The following MYO10 variants were observed in gnomAD, a reference collection of about 807,000 sequenced individuals.
MYO10 encodes myosin X.
MYO10 carries 133 observed loss-of-function variants against 257.3 expected under a neutral mutation model. That is an observed-to-expected ratio of 0.52 (90% CI 0.45 to 0.60). The LOEUF is 0.60. Among genes scored for constraint, MYO10 ranks in the 20% least tolerant of loss-of-function variants. The pLI is 0.00. For missense variants in MYO10, 2,399 were observed against 2,635.7 expected (o/e 0.91, Z 1.97); for synonymous variants, 1,104 against 1,028.6 (o/e 1.07, Z -1.40).
intron 3 of MYO10, among the ~76,000 whole-genome samples, chr5:16,806,368 C>T (rs1171433504): frequency 1.3e-5 from 2 of 151,300 alleles, no homozygotes; most frequent in East Asian, 2.0e-4. Context: ...AAAAAAAGGC[C>T]GGGTGCGACG....
Position 16,664,484 on chromosome 5 carries a change from G to C in MYO10, c.*2208C>G, listed in dbSNP as rs956939520. The C allele has an allele frequency of 6.6e-6, 1 of 152,246 alleles. No homozygotes were observed. The highest frequency in any genetic ancestry group is 1.5e-5 in the Non-Finnish European group (1 of 68,070). 9.4% of individuals were successfully genotyped at this position (152,246 alleles called of 1,614,324 possible). The stretch of plus-strand genomic sequence containing the variant: ...TGCCTGGCGGGGCCACAGGCTTCAG[G>C]CAGCACCTGGCTTCAGGTTCCATCC... On this transcript the variant is annotated 3_prime_UTR_variant, in exon 41 of 41. Transcript: ENST00000513610.
rs748432878 is a variant in MYO10, at chr5:16,701,770, G to C, written c.2625C>G (p.Thr875=). ...LQKSQKEAEL[T]RELEKQKENK... ...TTTCCTTCTGTTTCTCCAGTTCACG[G>C]GTCAGTTCAGCTTCCTTCTGGCTCT... Residue 875 remains threonine, a synonymous_variant, in exon 25 of 41, where the codon ACC becomes ACG. Coordinates refer to ENST00000513610, the MANE Select transcript of MYO10 (RefSeq NM_012334.3). The surrounding 1 kb of genome is among the most constrained non-coding windows in gnomAD (Gnocchi z 8.1). 16 of 1,613,778 alleles carry C rather than the reference G, an allele frequency of 9.9e-6. No homozygotes were observed. The highest frequency in any genetic ancestry group is 1.3e-5 in the Non-Finnish European group (15 of 1,179,876).
chr5:16,699,466 G>A lies in MYO10; in HGVS notation c.3540C>T (p.Ser1180=), dbSNP rs1239017023. ...YSCVTLPYFH[S]FLYMKGGLMN... ...CAGTCATACCTTTCATGTACAGAAA[G>A]CTGTGGAAATACGGCAGAGTGACAC... is the stretch of plus-strand genomic sequence containing the variant. The change falls in exon 26 of 41, where the codon AGC becomes AGT. Residue 1180 remains serine (S), a synonymous_variant. Coordinates refer to ENST00000513610, the MANE Select transcript of MYO10 (RefSeq NM_012334.3). The A allele has an allele frequency of 6.2e-7, 1 of 1,613,792 alleles. No homozygotes were observed. Among genetic ancestry groups the A allele is most frequent in the Admixed American group, 1.7e-5 (1 of 59,998 alleles).
chr5:16,866,514 T>A (rs1744256122), intron 2 of MYO10, among the ~76,000 whole-genome samples: 1 of 152,120 alleles, frequency 6.6e-6, no homozygotes, highest in Non-Finnish European at 1.5e-5. Flanking sequence ...AACGGCAATT[T>A]CATATGGTTC....
In MYO10 at chr5:16,884,846, C is replaced by T. The variant is rs191999100; in HGVS notation, c.22-7139G>A. 1.4e-3 allele frequency among the ~76,000 whole-genome samples: 220 copies of T among 152,160 alleles called. 1 individual carries two copies. Among genetic ancestry groups the T allele is most frequent in the African/African-American group, 5.0e-3 (209 of 41,522 alleles). Reference sequence around the variant, plus strand: ...GGACTAGATGATTCTTTGTTGGGGACTGCAGGATCATTCTAGTTGAGAATC... The same window carrying T: ...GGACTAGATGATTCTTTGTTGGGGATTGCAGGATCATTCTAGTTGAGAATC... On this transcript the variant is annotated intron_variant, in intron 1 of 40. Transcript: ENST00000513610.
intron 2 of MYO10, among the ~76,000 whole-genome samples, chr5:16,821,990 AAAAAG>A (rs1742834177): frequency 6.6e-6 from 1 of 151,894 alleles, no homozygotes; most frequent in Non-Finnish European, 1.5e-5. Context: ...TTCAAAAAAA[AAAAAG>A]AATAGTAGAG....
Position 16,792,965 on chromosome 5 carries a change from T to C in MYO10, c.467+1681A>G, listed in dbSNP as rs370195436. ...TAATAACTATTCTGAGGAAATAATA[T>C]AATTATTCTGAGGACGAGAGCCAAG... is the stretch of plus-strand genomic sequence containing the variant. On this transcript the variant is annotated intron_variant, in intron 4 of 40. Transcript: ENST00000513610. 4.6e-5 allele frequency among the ~76,000 whole-genome samples: 7 copies of C among 152,192 alleles called. No individual in the cohort carries two copies. The South Asian group carries it at 8.3e-4, about 18-fold the overall frequency.
rs1289068193 is a variant in MYO10, at chr5:16,668,386, C to G, written c.5966G>C (p.Arg1989Thr). 6 of 1,614,006 alleles carry G rather than the reference C, an allele frequency of 3.7e-6. No homozygotes were observed. The highest frequency in any genetic ancestry group is 3.4e-6 in the Non-Finnish European group (4 of 1,179,884). ...AVSVYKRGEG[R>T]PLEVFQYEHI... ...TTCATACTGGAAGACTTCCAGTGGT[C>G]TTCCCTCTCCACGCTTGTAGACGGA... Residue 1989 changes from arginine to threonine, a missense_variant, in exon 40 of 41, where the codon AGA becomes ACA. By Grantham distance (71) the Arg-to-Thr change is moderately conservative. Around this residue, in one of 3 missense-constraint regions of MYO10, gnomAD observed 1,820 missense variants for 1,939.4 expected, o/e 0.94. Transcript: ENST00000513610.
chr5:16,725,319 C>A (rs1422394607), intron 19 of MYO10, among the ~76,000 whole-genome samples: 1 of 151,952 alleles, frequency 6.6e-6, no homozygotes, highest in Non-Finnish European at 1.5e-5. Flanking sequence ...TGGTTTCGAA[C>A]TCCTGACCTT....
intron 9 of MYO10, among the ~76,000 whole-genome samples, chr5:16,769,777 G>A (rs566600846): frequency 2.0e-5 from 3 of 152,284 alleles, no homozygotes; most frequent in South Asian, 2.1e-4. Flanking sequence ...TCCTATATAT[G>A]CTACAAAAGA....
rs778357450 is a variant in MYO10 at position 16,681,448 on chromosome 5, C to G, written c.4245G>C (p.Lys1415Asn). 3.1e-6 allele frequency: 5 copies of G among 1,613,932 alleles called. No homozygotes were observed. In the East Asian group the frequency reaches 1.1e-4, roughly 36 times the overall value. The stretch of plus-strand genomic sequence containing the variant: ...TGTGGGTGAGTACAAACCACCGTTT[C>G]TTCAGTTTCAGTGAAGACATCTTTG... ...NSPKMSSLKLKKRWFVLTHNS... is the reference protein window; with the variant it reads ...NSPKMSSLKLNKRWFVLTHNS... Residue 1415 changes from lysine (K) to asparagine (N), a missense_variant, in exon 32 of 41, where the codon AAG becomes AAC. By Grantham distance (94) the Lys-to-Asn change is moderately conservative. Around this residue, in one of 3 missense-constraint regions of MYO10, gnomAD observed 1,820 missense variants for 1,939.4 expected, o/e 0.94. Transcript: ENST00000513610.
chr5:16,917,635 G>C (rs1745859065), intron 1 of MYO10, among the ~76,000 whole-genome samples: 1 of 150,620 alleles, frequency 6.6e-6, no homozygotes, highest in Admixed American at 6.7e-5. Flanking sequence ...GGGAGGAGAG[G>C]ATCACTGGAA....
intron 19 of MYO10, among the ~76,000 whole-genome samples, chr5:16,754,112 C>A (rs1740461086): frequency 6.6e-6 from 1 of 152,060 alleles, no homozygotes; most frequent in African/African-American, 2.4e-5. Context: ...ACATAAGAAG[C>A]ATTCCTAAGA....
At chr5:16,747,339 A>G (rs370403366) in intron 19 of MYO10, among the ~76,000 whole-genome samples, 4 of 145,104 alleles carry the variant, frequency 2.8e-5, no homozygotes, top group East Asian at 1.9e-4. Flanking sequence ...TAAATCAACT[A>G]AAACAGAATC....
At chr5:16,738,118 C>G in intron 19 of MYO10, 1 of 984,434 alleles carries the variant, frequency 1.0e-6, no homozygotes, top group Non-Finnish European at 1.2e-6. Flanking sequence ...TGGAAATACA[C>G]AGGGGAGAGG....
chr5:16,686,836 A>G (rs1227007710), intron 28 of MYO10, among the ~76,000 whole-genome samples: 8 of 152,074 alleles, frequency 5.3e-5, no homozygotes, highest in Non-Finnish European at 8.8e-5. Context: ...CTAGATGTCT[A>G]TTTTTGTTAT....
At chr5:16,736,502 G>A (rs578020837) in intron 19 of MYO10, among the ~76,000 whole-genome samples, 87 of 152,282 alleles carry the variant, frequency 5.7e-4, no homozygotes, top group Admixed American at 2.1e-3. Flanking sequence ...TGTGTTAGAA[G>A]CCTGGAAATC....
chr5:16,919,543 T>C (rs1396779444), intron 1 of MYO10, among the ~76,000 whole-genome samples: 1 of 152,172 alleles, frequency 6.6e-6, no homozygotes, highest in Non-Finnish European at 1.5e-5. Flanking sequence ...TGTGTTCTCA[T>C]ACATAAAATA....
At position 16,687,095 on chromosome 5, in the gene MYO10, G is replaced by C. The variant is rs550612862; in HGVS notation, c.3897-1264C>G. ...CCAGCACTTTGGGAGGCCAAGGTGG[G>C]AGGATGGCTTGAGCCCAGGAATTTG... On this transcript the variant is annotated intron_variant, in intron 28 of 40. Transcript: ENST00000513610. Among the ~76,000 whole-genome samples the C allele has an allele frequency of 5.6e-3, 854 of 152,124 alleles. 13 individuals carry two copies. Among genetic ancestry groups the C allele is most frequent in the African/African-American group, 0.02 (814 of 41,490 alleles).
Sources: allele counts gnomAD v4.1 joint callset (sites outside exome capture counted in the v4.1 genomes callset), GRCh38; gene constraint gnomAD v4.1.1; regional missense constraint gnomAD v4.1.1; non-coding constraint Gnocchi (gnomAD v3.1); transcripts MANE v1.5; gene names NCBI Gene and HGNC (gene_info 2026-07-23, HGNC 2026-07-21).